MAN1B1: variants seen among roughly 807,000 people sequenced by gnomAD.
The protein encoded by MAN1B1 is mannosidase alpha class 1B member 1.
In MAN1B1, 66 loss-of-function variants were observed where a neutral mutation model predicts 75.5. The ratio of observed to expected loss-of-function variants is 0.87; its 90% CI spans 0.72 to 1.07. The LOEUF is 1.07. Among genes scored for constraint, MAN1B1 ranks in the 50% least tolerant of loss-of-function variants. The pLI is 0.00. For synonymous variants in MAN1B1, 453 were observed against 382.8 expected (o/e 1.18, Z -2.14); for missense variants, 973 against 912.5 (o/e 1.07, Z -0.85).
intron 8 of MAN1B1, chr9:137,102,799 T>G: frequency 1.6e-5 from 3 of 187,240 alleles, no homozygotes; most frequent in South Asian, 8.4e-5. Flanking sequence ...CACACATTCA[T>G]GCTGTTGCAG....
chr9:137,106,502 C>A, intron 9 of MAN1B1, 187 bp downstream of exon 9: 1 of 1,010,426 alleles, frequency 9.9e-7, no homozygotes. Context: ...TCACCTCTCA[C>A]CGTGGCCTCT....
chr9:137,106,567 C>A, intron 9 of MAN1B1, 122 bp from the exon 10 acceptor site: 1 of 1,518,238 alleles, frequency 6.6e-7, no homozygotes, highest in Non-Finnish European at 9.0e-7. Context: ...AGGGTGGCAC[C>A]TTCTGTCCGG....
intron 8 of MAN1B1, chr9:137,103,804 C>G (rs1376969494): frequency 2.2e-6 from 1 of 450,064 alleles, no homozygotes; most frequent in Non-Finnish European, 4.4e-6. Flanking sequence ...GTGTTACACA[C>G]ATTCACACTG....
chr9:137,092,205 A>C (rs956102635), intron 3 of MAN1B1, among the ~76,000 whole-genome samples: 3 of 152,092 alleles, frequency 2.0e-5, no homozygotes, highest in African/African-American at 4.8e-5. Flanking sequence ...CTACCAAAAA[A>C]AAAAAAAATT....
At position 137,102,906 on chromosome 9, in the gene MAN1B1, TGTTAC is replaced by T. The variant is rs1446648266; in HGVS notation, c.1254+1235_1254+1239del. On this transcript the variant is annotated intron_variant, in intron 8 of 12. Transcript: ENST00000371589. ...CTGTTGCAGGCGTGCAGGTCAGTGG[TGTTAC>T]ACACATTCACGCTGTTGCAGGCATG... is the stretch of plus-strand genomic sequence containing the variant. The T allele has an allele frequency of 2.7e-5, 11 of 407,672 alleles. 1 individual carries two copies. The highest frequency in any genetic ancestry group is 3.6e-4 in the Middle Eastern group (1 of 2,788). The allele number at this position is 407,672 out of a possible 1,614,324, so 25.3% of individuals were successfully genotyped here. A position where few individuals can be genotyped will look rare whatever the true frequency, so the allele number is the denominator to read the frequency against.
rs201428225 is a variant in MAN1B1 at position 137,106,681 on chromosome 9, G to C, written c.1446-8G>C. On this transcript the variant is annotated splice_polypyrimidine_tract_variant and splice_region_variant and intron_variant, in intron 9 of 12. Transcript: ENST00000371589. Reference sequence around the variant, plus strand: ...CTGGTAGAGTGAGATGACTGCTGGTGTCCACAGGCTGCTGGAAGACTACGT... The same window carrying C: ...CTGGTAGAGTGAGATGACTGCTGGTCTCCACAGGCTGCTGGAAGACTACGT... 29 of 1,613,382 alleles carry C rather than the reference G, an allele frequency of 1.8e-5. No homozygotes were observed. The East Asian group carries it at 6.2e-4, about 35-fold the overall frequency.
At chr9:137,096,507 G>A in intron 4 of MAN1B1, 116 bp downstream of exon 4, 2 of 1,348,052 alleles carry the variant, frequency 1.5e-6, no homozygotes, top group Non-Finnish European at 2.1e-6. Flanking sequence ...GACAGTGTAT[G>A]CTCTGTAATC....
intron 2 of MAN1B1, 87 bp from the exon 3 acceptor site, chr9:137,088,782 A>G: frequency 7.3e-7 from 1 of 1,370,478 alleles, no homozygotes; most frequent in East Asian, 2.3e-5. Flanking sequence ...TGTAATGGAT[A>G]GTGCCTGCCA....
chr9:137,095,661 A>G (rs1830632199), intron 3 of MAN1B1, among the ~76,000 whole-genome samples: 2 of 152,240 alleles, frequency 1.3e-5, no homozygotes, highest in Non-Finnish European at 2.9e-5. Flanking sequence ...CCTAAGCCTC[A>G]GTCCGTGACA....
At chr9:137,097,411 TTGAG>T (rs906791250) in intron 4 of MAN1B1, among the ~76,000 whole-genome samples, 5 of 152,338 alleles carry the variant, frequency 3.3e-5, no homozygotes, top group East Asian at 3.9e-4. Flanking sequence ...GATGGGGAGT[TTGAG>T]TGGCCATGCG....
In MAN1B1 at chr9:137,106,705, G is replaced by C. The variant is rs187850244; in HGVS notation, c.1462G>C (p.Val488Leu). 6.2e-7 allele frequency: 1 copy of C among 1,613,514 alleles called. No homozygotes were observed. Reference protein sequence around the residue: ...KQETQLLEDYVEAIEGVRTHL... With the variant: ...KQETQLLEDYLEAIEGVRTHL... ...TGTCCACAGGCTGCTGGAAGACTACGTGGAAGCCATCGAGGGTGTCAGAAC... is the reference window on the plus strand; with the variant it reads ...TGTCCACAGGCTGCTGGAAGACTACCTGGAAGCCATCGAGGGTGTCAGAAC... Residue 488 changes from valine to leucine, a missense_variant, in exon 10 of 13, where the codon GTG becomes CTG. Coordinates refer to ENST00000371589, the MANE Select transcript of MAN1B1 (RefSeq NM_016219.5).
chr9:137,092,624 TAA>T (rs1037558991), intron 3 of MAN1B1, among the ~76,000 whole-genome samples: 18 of 152,360 alleles, frequency 1.2e-4, no homozygotes, highest in African/African-American at 4.3e-4. Context: ...CGTAAACTAT[TAA>T]GAGTTAAAGG....
chr9:137,098,196 G>A (rs74573368), intron 5 of MAN1B1, among the ~76,000 whole-genome samples: 175 of 152,316 alleles, frequency 1.1e-3, no homozygotes, highest in African/African-American at 4.0e-3. Flanking sequence ...GCTGCCCCAC[G>A]GGATCCCTGG....
Position 137,095,759 on chromosome 9 carries a change from A to G in MAN1B1, c.466-478A>G, listed in dbSNP as rs80202512. On this transcript the variant is annotated intron_variant, in intron 3 of 12. Transcript: ENST00000371589. ...GCCTGCAGGTGTGGAAACAGGGAACAGGGTGGTGGGGGCTGGCTAGAAGGC... is the reference window on the plus strand; with the variant it reads ...GCCTGCAGGTGTGGAAACAGGGAACGGGGTGGTGGGGGCTGGCTAGAAGGC... Among the ~76,000 whole-genome samples the G allele has an allele frequency of 7.8e-3, 1,182 of 152,236 alleles. 7 individuals carry two copies. The highest frequency in any genetic ancestry group is 0.019 in the African/African-American group (781 of 41,542).
At chr9:137,092,717 T>G (rs1830547767) in intron 3 of MAN1B1, among the ~76,000 whole-genome samples, 1 of 152,122 alleles carries the variant, frequency 6.6e-6, no homozygotes, top group African/African-American at 2.4e-5. Flanking sequence ...GTGCTGAGAG[T>G]AGCAGTCAGT....
chr9:137,107,885 T>G (rs1200449978), intron 12 of MAN1B1: 1 of 664,050 alleles, frequency 1.5e-6, no homozygotes, highest in East Asian at 2.7e-5. Context: ...TTGGAGGGGC[T>G]GGGCACCCCT....
chr9:137,089,505 G>A (rs1228152302), intron 3 of MAN1B1, among the ~76,000 whole-genome samples: 1 of 152,240 alleles, frequency 6.6e-6, no homozygotes, highest in Non-Finnish European at 1.5e-5. Flanking sequence ...CCTGAGGCAA[G>A]GAGGACCTTG....
intron 3 of MAN1B1, among the ~76,000 whole-genome samples, chr9:137,093,380 GA>G: frequency 1.3e-5 from 2 of 152,022 alleles, no homozygotes; most frequent in South Asian, 4.1e-4. Flanking sequence ...ACTCAGTCTC[GA>G]AAAAGAAAAG....
At position 137,099,741 on chromosome 9, in the gene MAN1B1, A is replaced by G. The variant is rs201673635; in HGVS notation, c.776A>G (p.His259Arg). 63 of 1,614,094 alleles carry G rather than the reference A, an allele frequency of 3.9e-5. No individual in the cohort carries two copies. Among genetic ancestry groups the G allele is most frequent in the Admixed American group, 6.7e-5 (4 of 60,012 alleles). The change falls in exon 6 of 13, where the codon CAT becomes CGT. Residue 259 changes from histidine (H) to arginine (R), a missense_variant. Transcript: ENST00000371589. Reference protein sequence around the residue: ...RQKGVIDVFLHAWKGYRKFAW... With the variant: ...RQKGVIDVFLRAWKGYRKFAW... Reference sequence around the variant, plus strand: ...AAGGGCGTGATTGACGTCTTCCTGCATGCATGGAAAGGATACCGCAAGTTT... The same window carrying G: ...AAGGGCGTGATTGACGTCTTCCTGCGTGCATGGAAAGGATACCGCAAGTTT...
Sources: gnomAD v4.1 joint callset for allele counts (sites outside exome capture counted in the v4.1 genomes callset) on GRCh38, gnomAD v4.1.1 for gene constraint, MANE v1.5 for transcripts, NCBI Gene and HGNC (gene_info 2026-07-23, HGNC 2026-07-21) for gene names.